GALNT2: variants seen among roughly 807,000 people sequenced by gnomAD.
GALNT2 encodes polypeptide N-acetylgalactosaminyltransferase 2.
A neutral mutation model predicts 81.4 loss-of-function variants in GALNT2; 31 were observed. The ratio of observed to expected loss-of-function variants is 0.38; its 90% CI spans 0.29 to 0.51. GALNT2 has a LOEUF of 0.51. GALNT2 is among the 20% of genes least tolerant of loss of function. The probability of loss-of-function intolerance (pLI) is 0.87; values close to 1 mark genes in which losing one functional copy is unlikely to be tolerated. For missense variants in GALNT2, 629 were observed against 765.7 expected (o/e 0.82, Z 2.11); for synonymous variants, 303 against 287.4 (o/e 1.05, Z -0.55).
At chr1:230,274,317 G>A in intron 14 of GALNT2, 128 bp from the exon 15 acceptor site, 1 of 1,247,784 alleles carries the variant, frequency 8.0e-7, no homozygotes, top group Non-Finnish European at 1.1e-6. Flanking sequence ...GTTCTCAGTT[G>A]GCTCAGGGGT....
chr1:230,194,427 C>T lies in GALNT2; in HGVS notation c.221-8710C>T, dbSNP rs987424112. 1.1e-4 allele frequency among the ~76,000 whole-genome samples: 16 copies of T among 152,288 alleles called. No individual in the cohort carries two copies. In the South Asian group the frequency reaches 1.2e-3, roughly 12 times the overall value. On this transcript the variant is annotated intron_variant, in intron 2 of 15. Transcript: ENST00000366672. ...CCAGAGCCAGGACTTGTCAGGCCAC[C>T]GTAGGTCTGCTCTGTCTCTCCAGGT... is the stretch of plus-strand genomic sequence containing the variant.
intron 1 of GALNT2, among the ~76,000 whole-genome samples, chr1:230,129,275 T>C (rs1235045750): frequency 6.6e-6 from 1 of 152,216 alleles, no homozygotes; most frequent in African/African-American, 2.4e-5. Context: ...TCCTGTCCTA[T>C]AACCTGTTTG....
intron 1 of GALNT2, among the ~76,000 whole-genome samples, chr1:230,165,378 A>G (rs1444768935): frequency 6.6e-6 from 1 of 152,196 alleles, no homozygotes; most frequent in African/African-American, 2.4e-5. Context: ...TTAACGTTGT[A>G]TTGGTGAATG....
At chr1:230,227,467 A>ATATATATGCTATATAATATAGC (rs1425868555) in intron 3 of GALNT2, among the ~76,000 whole-genome samples, 24 of 150,130 alleles carry the variant, frequency 1.6e-4, no homozygotes, top group Admixed American at 3.3e-4. Context: ...ACAGCTATAT[A>ATATATATGCTATATAATATAGC]TATATATGCT....
chr1:230,131,111 G>A (rs567434896), intron 1 of GALNT2, among the ~76,000 whole-genome samples: 1 of 151,986 alleles, frequency 6.6e-6, no homozygotes, highest in African/African-American at 2.4e-5. Context: ...AAAAAGCTAG[G>A]CACAAAACGT....
intron 3 of GALNT2, among the ~76,000 whole-genome samples, chr1:230,225,352 G>C (rs554596659): frequency 6.6e-6 from 1 of 152,162 alleles, no homozygotes; most frequent in African/African-American, 2.4e-5. Flanking sequence ...TCTTGTTTGG[G>C]ATGGGCCCTA....
chr1:230,205,063 G>C (rs1246136895), intron 3 of GALNT2, among the ~76,000 whole-genome samples: 1 of 152,206 alleles, frequency 6.6e-6, no homozygotes, highest in Non-Finnish European at 1.5e-5. Flanking sequence ...AAAGCATGGG[G>C]CTCCCAGAGA....
In GALNT2 at chr1:230,067,334, C is replaced by A; in HGVS notation, c.54C>A (p.Gly18=). The part of the protein sequence containing the change: ...LLCFAFLWVL[G]IAYYMYSGGG... ...GCTTCGCCTTCCTGTGGGTGCTGGG[C>A]ATCGCCTACTACATGTACTCGGGGG... is the stretch of plus-strand genomic sequence containing the variant. Residue 18 remains glycine (G), a synonymous_variant, in exon 1 of 16, where the codon GGC becomes GGA. Transcript: ENST00000366672. The A allele has an allele frequency of 1.4e-6, 2 of 1,389,874 alleles. No individual in the cohort carries two copies. The highest frequency in any genetic ancestry group is 6.5e-5 in the East Asian group (2 of 30,606). 86.1% of individuals were successfully genotyped at this position (1,389,874 alleles called of 1,614,324 possible).
chr1:230,197,432 C>G (rs2102702068), intron 2 of GALNT2, among the ~76,000 whole-genome samples: 1 of 152,278 alleles, frequency 6.6e-6, no homozygotes, highest in African/African-American at 2.4e-5. Context: ...GCTCGCCCCC[C>G]CGGGGTCAGT....
At chr1:230,186,122 A>G (rs1301351767) in intron 2 of GALNT2, among the ~76,000 whole-genome samples, 1 of 152,148 alleles carries the variant, frequency 6.6e-6, no homozygotes, top group East Asian at 1.9e-4. Context: ...CCTATTGGGA[A>G]CTGGACGTCC....
chr1:230,241,604 G>A (rs1175570267), intron 6 of GALNT2, among the ~76,000 whole-genome samples: 3 of 152,128 alleles, frequency 2.0e-5, no homozygotes, highest in Admixed American at 6.5e-5. Flanking sequence ...ACGCCACCAC[G>A]CCTGGCTAAT....
chr1:230,090,443 A>G (rs995387615), intron 1 of GALNT2, among the ~76,000 whole-genome samples: 2 of 151,972 alleles, frequency 1.3e-5, no homozygotes. Flanking sequence ...TGCCGTGTGA[A>G]GGTGGTGGAC....
At chr1:230,224,267 T>C (rs1049153793) in intron 3 of GALNT2, among the ~76,000 whole-genome samples, 1 of 152,178 alleles carries the variant, frequency 6.6e-6, no homozygotes, top group African/African-American at 2.4e-5. Flanking sequence ...ATGAGCAGTG[T>C]GAGCTTCCAT....
chr1:230,070,734 G>C lies in GALNT2; in HGVS notation c.126+3328G>C, dbSNP rs2102741840. Among the ~76,000 whole-genome samples, 1 of 152,316 alleles carries C rather than the reference G, an allele frequency of 6.6e-6. No individual in the cohort carries two copies. The highest frequency in any genetic ancestry group is 1.9e-4 in the East Asian group (1 of 5,186). ...GCAGGTTATTTCTTGGAACAGTGAA[G>C]GACCTTGCCGGGCTAGACCATGGTA... On this transcript the variant is annotated intron_variant, in intron 1 of 15. Transcript: ENST00000366672. This position sits in a 1 kb window ranked among gnomAD's most constrained non-coding sequence, Gnocchi z 4.7.
At chr1:230,213,245 A>G (rs979519329) in intron 3 of GALNT2, among the ~76,000 whole-genome samples, 1 of 152,270 alleles carries the variant, frequency 6.6e-6, no homozygotes, top group African/African-American at 2.4e-5. Flanking sequence ...GAGGCAGACA[A>G]GGAAACAGGC....
chr1:230,067,352 C>T lies in GALNT2; in HGVS notation c.72C>T (p.Tyr24=), dbSNP rs1229403195. The T allele has an allele frequency of 2.9e-6, 4 of 1,372,276 alleles. No individual in the cohort carries two copies. Among genetic ancestry groups the T allele is most frequent in the Admixed American group, 2.7e-5 (1 of 36,958 alleles). 85.0% of individuals were successfully genotyped at this position (1,372,276 alleles called of 1,614,324 possible). ...LWVLGIAYYM[Y]SGGGSALAGG... is the part of the protein sequence containing the mutation. ...TGCTGGGCATCGCCTACTACATGTA[C>T]TCGGGGGGCGGCTCTGCGCTGGCCG... The change falls in exon 1 of 16, where the codon TAC becomes TAT. Residue 24 remains tyrosine, a synonymous_variant. Transcript: ENST00000366672.
At chr1:230,211,520 C>T in intron 3 of GALNT2, among the ~76,000 whole-genome samples, 1 of 152,162 alleles carries the variant, frequency 6.6e-6, no homozygotes, top group East Asian at 1.9e-4. Flanking sequence ...TAAGGCTGGG[C>T]ACAGTGGCTC....
chr1:230,078,416 C>T (rs1488257360), intron 1 of GALNT2, among the ~76,000 whole-genome samples: 1 of 152,136 alleles, frequency 6.6e-6, no homozygotes. Context: ...CTCATGTATG[C>T]AGCATAAATT....
intron 1 of GALNT2, among the ~76,000 whole-genome samples, chr1:230,109,354 A>G (rs1224096457): frequency 1.3e-5 from 2 of 152,144 alleles, no homozygotes; most frequent in Non-Finnish European, 2.9e-5. Context: ...TGTGGTGGTT[A>G]ACAGGAGTAG....
Sources: gnomAD v4.1 joint callset for allele counts (sites outside exome capture counted in the v4.1 genomes callset) on GRCh38, gnomAD v4.1.1 for gene constraint, Gnocchi (gnomAD v3.1) non-coding constraint, MANE v1.5 for transcripts, NCBI Gene and HGNC (gene_info 2026-07-23, HGNC 2026-07-21) for gene names.